Variants in PTPRE observed in about 807,000 individuals in gnomAD.
PTPRE encodes the protein protein tyrosine phosphatase receptor type E, also known as receptor-type tyrosine-protein phosphatase epsilon.
In PTPRE, 51 loss-of-function variants were observed where a neutral mutation model predicts 102.0. That is an observed-to-expected ratio of 0.50 (90% CI 0.40 to 0.63). The LOEUF is 0.63. Among genes scored for constraint, PTPRE ranks in the 30% least tolerant of loss-of-function variants. The probability of loss-of-function intolerance (pLI) is 0.00; values close to 1 mark genes in which losing one functional copy is unlikely to be tolerated. For synonymous variants in PTPRE, 345 were observed against 348.2 expected (o/e 0.99, Z 0.10); for missense variants, 752 against 915.1 (o/e 0.82, Z 2.30).
intron 1 of PTPRE, among the ~76,000 whole-genome samples, chr10:127,973,183 G>T (rs992118054): frequency 3.9e-5 from 6 of 152,152 alleles, no homozygotes; most frequent in Admixed American, 3.9e-4. Flanking sequence ...GTGGAGGAGG[G>T]ATTCATTACT....
intron 2 of PTPRE, among the ~76,000 whole-genome samples, chr10:128,003,050 C>T (rs1025690079): frequency 2.0e-5 from 3 of 152,120 alleles, no homozygotes; most frequent in Admixed American, 6.5e-5. Context: ...TATGCATGCA[C>T]AGATAGACCA....
intron 4 of PTPRE, 47 bp downstream of exon 4, chr10:128,047,536 G>A (rs1848195171): frequency 6.2e-7 from 1 of 1,610,830 alleles, no homozygotes; most frequent in Admixed American, 1.7e-5. Context: ...GCTCAGAGGA[G>A]GAAATGAGCC....
intron 2 of PTPRE, chr10:127,998,345 C>T (rs1165677091): frequency 6.6e-6 from 1 of 152,236 alleles, no homozygotes; most frequent in Non-Finnish European, 1.5e-5. Flanking sequence ...GCATGCCACC[C>T]AGGCTGCTAT....
intron 2 of PTPRE, among the ~76,000 whole-genome samples, chr10:128,014,774 G>A (rs1023681891): frequency 5.9e-5 from 9 of 152,102 alleles, no homozygotes; most frequent in Non-Finnish European, 1.2e-4. Flanking sequence ...CACTGGGGGT[G>A]GTCAGCGGAG....
intron 15 of PTPRE, 130 bp from the exon 16 acceptor site, chr10:128,072,008 T>A (rs971776837): frequency 3.0e-6 from 2 of 673,338 alleles, no homozygotes; most frequent in Admixed American, 6.1e-5. Context: ...TAACGTAAAC[T>A]TTCCAAAGAG....
chr10:128,003,576 A>T (rs1564871495), intron 2 of PTPRE, among the ~76,000 whole-genome samples: 1 of 152,204 alleles, frequency 6.6e-6, no homozygotes, highest in Non-Finnish European at 1.5e-5. Context: ...ATAATCCTGA[A>T]TAGCTAGAAA....
chr10:128,047,963 C>T lies in PTPRE; in HGVS notation c.283+126C>T. On this transcript the variant is annotated intron_variant, in intron 5 of 20. Coordinates refer to ENST00000254667, the MANE Select transcript of PTPRE (RefSeq NM_006504.6). Reference sequence around the variant, plus strand: ...GGTGTGCCTTGCCACTTTCATCTCACTCTACCTGGTATGATGCTGTCATTT... The same window carrying T: ...GGTGTGCCTTGCCACTTTCATCTCATTCTACCTGGTATGATGCTGTCATTT... 3 of 906,696 alleles carry T rather than the reference C, an allele frequency of 3.3e-6. No homozygotes were observed. The South Asian group carries it at 5.5e-5, about 17-fold the overall frequency. 56.2% of individuals were successfully genotyped at this position (906,696 alleles called of 1,614,324 possible).
chr10:128,036,189 C>T (rs573800679), intron 2 of PTPRE, among the ~76,000 whole-genome samples: 10 of 152,140 alleles, frequency 6.6e-5, no homozygotes, highest in African/African-American at 2.4e-4. Context: ...AGTCTCCTGC[C>T]GAGCTCCCTT....
intron 1 of PTPRE, among the ~76,000 whole-genome samples, chr10:127,969,818 G>A (rs1246895371): frequency 2.6e-5 from 4 of 152,162 alleles, no homozygotes; most frequent in Non-Finnish European, 4.4e-5. Context: ...CGTGAACTCT[G>A]TGTGAGATGC....
intron 2 of PTPRE, among the ~76,000 whole-genome samples, chr10:127,984,235 C>A (rs1304600375): frequency 6.6e-6 from 1 of 151,968 alleles, no homozygotes; most frequent in Non-Finnish European, 1.5e-5. Flanking sequence ...ACAAGCACCA[C>A]CATGTCTGGC....
intron 3 of PTPRE, among the ~76,000 whole-genome samples, chr10:128,044,691 G>A (rs543335139): frequency 2.0e-5 from 3 of 152,216 alleles, no homozygotes; most frequent in Admixed American, 2.0e-4. Flanking sequence ...CTGGGGACTG[G>A]CCACCCTGAC....
At position 127,969,531 on chromosome 10, in the gene PTPRE, G is replaced by A. The variant is rs185992534; in HGVS notation, c.-30-12743G>A. Among the ~76,000 whole-genome samples, 3 of 152,236 alleles carry A rather than the reference G, an allele frequency of 2.0e-5. No individual in the cohort carries two copies. The East Asian group carries it at 5.8e-4, about 29-fold the overall frequency. On this transcript the variant is annotated intron_variant, in intron 1 of 20. Coordinates refer to ENST00000254667, the MANE Select transcript of PTPRE (RefSeq NM_006504.6). ...AAAAATACAAAAATTAGCTGGGCATGGTGGTGCACACCTGTAATCCCAGCT... is the reference window on the plus strand; with the variant it reads ...AAAAATACAAAAATTAGCTGGGCATAGTGGTGCACACCTGTAATCCCAGCT...
chr10:128,033,792 G>C (rs2135756240), intron 2 of PTPRE, among the ~76,000 whole-genome samples: 1 of 152,286 alleles, frequency 6.6e-6, no homozygotes. Flanking sequence ...TTACAGGCGT[G>C]CACCACATCA....
In PTPRE at chr10:128,027,797, T is replaced by C. The variant is rs1846393456; in HGVS notation, c.-7-13078T>C. 1.3e-5 allele frequency among the ~76,000 whole-genome samples: 2 copies of C among 152,266 alleles called. 1 individual carries two copies. Among genetic ancestry groups the C allele is most frequent in the Admixed American group, 1.3e-4 (2 of 15,308 alleles). On this transcript the variant is annotated intron_variant, in intron 2 of 20. Coordinates refer to ENST00000254667, the MANE Select transcript of PTPRE (RefSeq NM_006504.6). The stretch of plus-strand genomic sequence containing the variant: ...TGGTCTTTCTCTTTTTGCCAAAAGA[T>C]CCTGGATAAATGAACCGAGAGAGAC...
At chr10:127,977,766 G>A (rs1268362366) in intron 1 of PTPRE, among the ~76,000 whole-genome samples, 3 of 152,298 alleles carry the variant, frequency 2.0e-5, no homozygotes, top group Middle Eastern at 3.4e-3. Flanking sequence ...ACTTCCTGTG[G>A]GCGCCCTCAC....
At chr10:128,023,117 A>G (rs1846039132) in intron 2 of PTPRE, among the ~76,000 whole-genome samples, 1 of 152,204 alleles carries the variant, frequency 6.6e-6, no homozygotes, top group South Asian at 2.1e-4. Flanking sequence ...GAGAGAGAAG[A>G]GAGAGACCAC....
rs146340604 is a variant in PTPRE at position 127,934,219 on chromosome 10, G to T, written c.-31+26910G>T. The T allele has an allele frequency of 5.0e-4, 76 of 152,256 alleles. 2 individuals carry two copies. Among genetic ancestry groups the T allele is most frequent in the African/African-American group, 1.8e-3 (74 of 41,548 alleles). 9.4% of individuals were successfully genotyped at this position (152,256 alleles called of 1,614,324 possible). On this transcript the variant is annotated intron_variant, in intron 1 of 20. Coordinates refer to ENST00000254667, the MANE Select transcript of PTPRE (RefSeq NM_006504.6). Reference sequence around the variant, plus strand: ...TAGGGGTGTTCACTGAGGTTGCAGAGCACCAACCATGTCTGCAGAGGAGTT... The same window carrying T: ...TAGGGGTGTTCACTGAGGTTGCAGATCACCAACCATGTCTGCAGAGGAGTT...
intron 17 of PTPRE, 66 bp downstream of exon 17, chr10:128,073,537 C>G: frequency 6.5e-7 from 1 of 1,544,200 alleles, no homozygotes; most frequent in South Asian, 1.2e-5. Flanking sequence ...TGTCCCCGTT[C>G]ATTACAAATG....
At chr10:128,001,156 C>T (rs957860888) in intron 2 of PTPRE, among the ~76,000 whole-genome samples, 1 of 152,152 alleles carries the variant, frequency 6.6e-6, no homozygotes, top group Non-Finnish European at 1.5e-5. Flanking sequence ...TTCTAATCAA[C>T]TTATGTTCCA....
Sources: gnomAD v4.1 joint callset for allele counts (sites outside exome capture counted in the v4.1 genomes callset) on GRCh38, gnomAD v4.1.1 for gene constraint, MANE v1.5 for transcripts, NCBI Gene and HGNC (gene_info 2026-07-23, HGNC 2026-07-21) for gene names.